The following NAV2 variants were observed in gnomAD, a reference collection of about 807,000 sequenced individuals.
The protein encoded by NAV2 is helicase, APC down-regulated 1.
A neutral mutation model predicts 223.2 loss-of-function variants in NAV2; 54 were observed. That is an observed-to-expected ratio of 0.24 (90% CI 0.19 to 0.30). The LOEUF (loss-of-function observed/expected upper bound fraction) is 0.30, where lower values mean the gene tolerates loss of function less well. Among genes scored for constraint, NAV2 ranks in the 10% least tolerant of loss-of-function variants. NAV2 has a pLI of 1.00. For missense variants in NAV2, 2,806 were observed against 3,147.5 expected, an observed-to-expected ratio of 0.89 and a Z score of 2.60; for synonymous variants, 1,279 against 1,239.3, an observed-to-expected ratio of 1.03 and a Z score of -0.67.
chr11:19,429,494 TCTGAA>T (rs757024839), intron 1 of NAV2, among the ~76,000 whole-genome samples: 17 of 152,196 alleles, frequency 1.1e-4, no homozygotes, highest in Non-Finnish European at 2.5e-4. Flanking sequence ...CTCCAGTCTC[TCTGAA>T]CCTCAGTTTC....
At chr11:19,360,653 G>A (rs1194392840) in intron 1 of NAV2, among the ~76,000 whole-genome samples, 1 of 152,160 alleles carries the variant, frequency 6.6e-6, no homozygotes, top group Non-Finnish European at 1.5e-5. Context: ...TTTGAGGGTG[G>A]ATCGCTCCAG....
chr11:19,518,612 A>G (rs1309908174), intron 1 of NAV2: 1 of 152,228 alleles, frequency 6.6e-6, no homozygotes, highest in African/African-American at 2.4e-5. Flanking sequence ...TTAAATAATC[A>G]TGTAATTAGT....
chr11:19,486,943 AG>A (rs1564978009), intron 1 of NAV2, among the ~76,000 whole-genome samples: 1 of 152,198 alleles, frequency 6.6e-6, no homozygotes, highest in East Asian at 1.9e-4. Context: ...CAGGATGCCT[AG>A]GGAAAGTTGC....
chr11:20,069,104 T>C (rs11025367), intron 22 of NAV2, among the ~76,000 whole-genome samples: 28,215 of 151,720 alleles, frequency 0.19, 3,070 homozygotes, highest in African/African-American at 0.28. Flanking sequence ...TCATCTGATA[T>C]TGAAAATAAG....
At chr11:19,749,640 C>T (rs1441278570) in intron 1 of NAV2, among the ~76,000 whole-genome samples, 2 of 152,172 alleles carry the variant, frequency 1.3e-5, no homozygotes, top group African/African-American at 4.8e-5. Context: ...ACGTTACCTA[C>T]TTGTCATGAC....
rs763134437 is a variant in NAV2 at position 20,055,867 on chromosome 11, G to T, written c.4741G>T (p.Asp1581Tyr). 3.1e-6 allele frequency: 5 copies of T among 1,614,206 alleles called. No homozygotes were observed. Among genetic ancestry groups the T allele is most frequent in the Non-Finnish European group, 4.2e-6 (5 of 1,180,036 alleles). ...TGATGGGCAGTATGATCCATACACT[G>T]ACAGCCGCTTCCGGAATAGCTCCAT... is the stretch of plus-strand genomic sequence containing the variant. ...NADGQYDPYT[D>Y]SRFRNSSMSL... The change falls in exon 19 of 38, where the codon GAC (aspartate) becomes TAC (tyrosine). Residue 1581 changes from aspartate (D) to tyrosine (Y), a missense_variant. By Grantham distance (160) the Asp-to-Tyr change is radical. Transcript: ENST00000349880.
intron 1 of NAV2, among the ~76,000 whole-genome samples, chr11:19,638,438 C>T (rs574517525): frequency 1.3e-5 from 2 of 152,170 alleles, no homozygotes; most frequent in South Asian, 2.1e-4. Context: ...TTAAGACAGA[C>T]CTGAGTTGCA....
At chr11:20,101,827 A>G (rs1471358000) in intron 32 of NAV2, among the ~76,000 whole-genome samples, 1 of 152,150 alleles carries the variant, frequency 6.6e-6, no homozygotes, top group Non-Finnish European at 1.5e-5. Flanking sequence ...CGAGAGTTGG[A>G]AAGTGCTTTC....
chr11:19,383,183 C>T (rs868388401), intron 1 of NAV2, among the ~76,000 whole-genome samples: 9 of 152,218 alleles, frequency 5.9e-5, no homozygotes, highest in Admixed American at 2.0e-4. Context: ...AGCCCCACCA[C>T]ACACCCCTGC....
intron 6 of NAV2, among the ~76,000 whole-genome samples, chr11:19,896,407 A>G (rs748254684): frequency 2.6e-4 from 39 of 152,274 alleles, no homozygotes; most frequent in Non-Finnish European, 3.4e-4. Context: ...CCTCATGTGA[A>G]TGAAATCACA....
chr11:19,649,035 A>G (rs2047894253), intron 1 of NAV2, among the ~76,000 whole-genome samples: 1 of 152,150 alleles, frequency 6.6e-6, no homozygotes, highest in Admixed American at 6.6e-5. Context: ...TTTTATCCAT[A>G]GAAATTTGTT....
At chr11:19,418,598 G>A (rs1410348971) in intron 1 of NAV2, among the ~76,000 whole-genome samples, 2 of 152,184 alleles carry the variant, frequency 1.3e-5, no homozygotes, top group Non-Finnish European at 2.9e-5. Context: ...AGAGCGTAGG[G>A]GCACATTTAA....
chr11:19,731,125 G>T (rs2051736064), intron 1 of NAV2, among the ~76,000 whole-genome samples: 2 of 152,218 alleles, frequency 1.3e-5, no homozygotes, highest in African/African-American at 4.8e-5. Context: ...CCCATGTGGG[G>T]TTACTAGGAC....
chr11:19,545,077 C>T (rs974713778), intron 1 of NAV2, among the ~76,000 whole-genome samples: 1 of 152,162 alleles, frequency 6.6e-6, no homozygotes, highest in Non-Finnish European at 1.5e-5. Context: ...AATCAAAGAC[C>T]CTTTCCCTCC....
intron 1 of NAV2, among the ~76,000 whole-genome samples, chr11:19,655,900 T>TA (rs2048111070): frequency 2.5e-4 from 38 of 150,922 alleles, no homozygotes; most frequent in African/African-American, 8.7e-4. Flanking sequence ...AATAAAAAAT[T>TA]TAAAAAAAAG....
intron 1 of NAV2, among the ~76,000 whole-genome samples, chr11:19,459,704 G>T (rs1221976140): frequency 1.3e-5 from 2 of 152,190 alleles, no homozygotes; most frequent in East Asian, 1.9e-4. Context: ...TGAGACAGAG[G>T]ATATAGGGGG....
chr11:19,861,689 T>C (rs2153021265), intron 3 of NAV2, among the ~76,000 whole-genome samples: 1 of 152,348 alleles, frequency 6.6e-6, no homozygotes, highest in South Asian at 2.1e-4. Context: ...TAAATATCAC[T>C]CCTTAGCCCT....
chr11:20,096,568 G>A (rs905625601), intron 30 of NAV2, among the ~76,000 whole-genome samples: 1 of 152,158 alleles, frequency 6.6e-6, no homozygotes, highest in East Asian at 1.9e-4. Flanking sequence ...CAAGGTCATG[G>A]ATCTAGAATT....
At chr11:19,902,363 A>G (rs2153191723) in intron 6 of NAV2, among the ~76,000 whole-genome samples, 1 of 152,264 alleles carries the variant, frequency 6.6e-6, no homozygotes, top group East Asian at 1.9e-4. Flanking sequence ...TCCTTTTTTC[A>G]CAGAGAAGAA....
Sources: allele counts gnomAD v4.1 joint callset (sites outside exome capture counted in the v4.1 genomes callset), GRCh38; gene constraint gnomAD v4.1.1; transcripts MANE v1.5; gene names NCBI Gene and HGNC (gene_info 2026-07-23, HGNC 2026-07-21).